VPS13C: variants seen among roughly 807,000 people sequenced by gnomAD.
VPS13C encodes the protein intermembrane lipid transfer protein VPS13C.
Under a neutral mutation model 456.8 loss-of-function variants are expected in VPS13C, and 358 were observed. The ratio of observed to expected loss-of-function variants is 0.78; its 90% CI spans 0.72 to 0.86. The LOEUF is 0.86. Ranked by LOEUF, VPS13C falls within the 40% of genes least tolerant of loss-of-function variation. The pLI is 0.00. For missense variants in VPS13C, 4,818 were observed against 4,385.4 expected (o/e 1.10, Z -2.79); for synonymous variants, 1,578 against 1,486.7 (o/e 1.06, Z -1.41).
chr15:61,884,583 G>A (rs1196407121), intron 67 of VPS13C, among the ~76,000 whole-genome samples: 1 of 151,568 alleles, frequency 6.6e-6, no homozygotes, highest in Non-Finnish European at 1.5e-5. Context: ...TATTAGATAG[G>A]CAACTTAGAT....
chr15:61,931,263 TG>T lies in VPS13C; in HGVS notation c.5869-5del. On this transcript the variant is annotated splice_polypyrimidine_tract_variant and splice_region_variant and intron_variant, in intron 49 of 84. Transcript: ENST00000644861. ...TATGAAATGCAACTCCAGATTCCTA[TG>T]GTACATTTTTCAAGCAAAAGAATCA... 1.2e-6 allele frequency: 2 copies of T among 1,605,748 alleles called. No homozygotes were observed. Among genetic ancestry groups the T allele is most frequent in the Non-Finnish European group, 1.7e-6 (2 of 1,176,888 alleles).
chr15:61,988,301 C>T (rs2046121522), intron 18 of VPS13C, among the ~76,000 whole-genome samples: 1 of 152,104 alleles, frequency 6.6e-6, no homozygotes, highest in South Asian at 2.1e-4. Context: ...TTCAATTGTC[C>T]AAATTCATCA....
chr15:61,902,350 A>C (rs1382127675), intron 66 of VPS13C, among the ~76,000 whole-genome samples: 1 of 152,190 alleles, frequency 6.6e-6, no homozygotes, highest in Non-Finnish European at 1.5e-5. Flanking sequence ...CTTCAAAAAA[A>C]AAACTGCAGA....
intron 82 of VPS13C, among the ~76,000 whole-genome samples, chr15:61,860,546 T>G (rs1894164366): frequency 6.6e-6 from 1 of 152,056 alleles, no homozygotes; most frequent in Non-Finnish European, 1.5e-5. Context: ...AATAAGATAC[T>G]AGGGAAAAAA....
At chr15:61,963,557 T>C (rs1176338290) in intron 32 of VPS13C, among the ~76,000 whole-genome samples, 1 of 152,054 alleles carries the variant, frequency 6.6e-6, no homozygotes, top group Non-Finnish European at 1.5e-5. Flanking sequence ...TCCTAGCCCA[T>C]CAATAGCATT....
intron 46 of VPS13C, 130 bp from the exon 47 acceptor site, chr15:61,940,924 T>C: frequency 2.2e-6 from 2 of 900,728 alleles, no homozygotes; most frequent in Non-Finnish European, 3.2e-6. Flanking sequence ...TCTTTTAGAA[T>C]ACACTTCTTT....
intron 26 of VPS13C, among the ~76,000 whole-genome samples, 157 bp from the exon 27 acceptor site, chr15:61,972,921 G>T (rs1016452151): frequency 6.6e-6 from 1 of 152,132 alleles, no homozygotes; most frequent in Non-Finnish European, 1.5e-5. Flanking sequence ...TCTACCAAGT[G>T]ACTCAACCTG....
intron 39 of VPS13C, among the ~76,000 whole-genome samples, chr15:61,951,333 A>G (rs901210027): frequency 6.6e-6 from 1 of 152,126 alleles, no homozygotes; most frequent in African/African-American, 2.4e-5. Flanking sequence ...AGTAGGGATT[A>G]TTCTCAATAC....
intron 79 of VPS13C, 96 bp from the exon 80 acceptor site, chr15:61,869,719 C>T: frequency 1.3e-6 from 2 of 1,532,198 alleles, no homozygotes; most frequent in African/African-American, 2.8e-5. Context: ...AACTGTTTTA[C>T]CCAGGAAGTT....
At chr15:62,031,162 G>A (rs922038510) in intron 5 of VPS13C, among the ~76,000 whole-genome samples, 3 of 151,974 alleles carry the variant, frequency 2.0e-5, no homozygotes, top group South Asian at 2.1e-4. Flanking sequence ...ATTCCTATAC[G>A]ATAGTGGGAA....
chr15:61,934,934 G>A (rs2044176708), intron 48 of VPS13C, among the ~76,000 whole-genome samples: 1 of 151,952 alleles, frequency 6.6e-6, no homozygotes, highest in African/African-American at 2.4e-5. Context: ...TGTATTTTTA[G>A]TAGAGATGGG....
At chr15:62,041,287 G>T in intron 3 of VPS13C, 37 bp downstream of exon 3, 2 of 1,578,584 alleles carry the variant, frequency 1.3e-6, no homozygotes, top group South Asian at 1.2e-5. Context: ...AAAACAATAG[G>T]ACCAAGAATA....
Position 62,006,322 on chromosome 15 carries a change from T to A in VPS13C, c.1290+986A>T, listed in dbSNP as rs2046843523. 5.3e-5 allele frequency among the ~76,000 whole-genome samples: 8 copies of A among 152,116 alleles called. No homozygotes were observed. The South Asian group carries it at 1.7e-3, about 32-fold the overall frequency. On this transcript the variant is annotated intron_variant, in intron 15 of 84. Transcript: ENST00000644861. ...TCCTGTGTCCATGTGTTCTCATTGT[T>A]CAATTCCCACCTATGAGTGAGAATA... is the stretch of plus-strand genomic sequence containing the variant.
chr15:61,854,951 G>A lies in VPS13C; in HGVS notation c.11080C>T (p.Gln3694Ter). ...CTGTCTTTTTTGTGGAACAGACCCT[G>A]TTCCTGTTTCAAAAGAAACAATGAC... is the stretch of plus-strand genomic sequence containing the variant. ...ENVLKISVKE[Q>*]GLFHKKDSAN... is the part of the protein sequence containing the mutation. The change falls in exon 84 of 85, where the codon CAG becomes TAG. Residue 3694 changes from glutamine to a stop codon, truncating the protein, a stop_gained. Coordinates refer to ENST00000644861, the MANE Select transcript of VPS13C (RefSeq NM_020821.3). LOFTEE classifies it high-confidence loss of function. 1.9e-6 allele frequency: 3 copies of A among 1,590,090 alleles called. No homozygotes were observed. Among genetic ancestry groups the A allele is most frequent in the Non-Finnish European group, 2.6e-6 (3 of 1,174,086 alleles).
chr15:61,861,527 T>C (rs1894226044), intron 82 of VPS13C, among the ~76,000 whole-genome samples: 1 of 152,142 alleles, frequency 6.6e-6, no homozygotes, highest in Non-Finnish European at 1.5e-5. Flanking sequence ...CTACAATGAA[T>C]AGCCATAACT....
At chr15:61,876,110 T>C (rs970299243) in intron 75 of VPS13C, among the ~76,000 whole-genome samples, 1 of 151,910 alleles carries the variant, frequency 6.6e-6, no homozygotes, top group Non-Finnish European at 1.5e-5. Flanking sequence ...AGTCATTTAG[T>C]ATCTAACAGC....
At position 61,922,304 on chromosome 15, in the gene VPS13C, T is replaced by C. The variant is rs77733354; in HGVS notation, c.6975+93A>G. On this transcript the variant is annotated intron_variant, in intron 54 of 84. Transcript: ENST00000644861. ...CACTATCTATTCACATATGTACTCA[T>C]AGTGGCCATGCACAAACAAGAAAAG... 70,060 of 1,447,336 alleles carry C rather than the reference T, an allele frequency of 0.048. 2,097 individuals are homozygous for C. The highest frequency in any genetic ancestry group is 0.056 in the Non-Finnish European group (60,235 of 1,071,442). 89.7% of individuals were successfully genotyped at this position (1,447,336 alleles called of 1,614,324 possible). A position where few individuals can be genotyped will look rare whatever the true frequency, so the allele number is the denominator to read the frequency against.
intron 26 of VPS13C, among the ~76,000 whole-genome samples, chr15:61,973,157 A>G (rs756352806): frequency 4.2e-4 from 64 of 152,210 alleles, no homozygotes; most frequent in Non-Finnish European, 5.7e-4. Context: ...CAGATCAATT[A>G]GGTCAAAGTT....
chr15:61,873,641 T>C (rs1197854369), intron 77 of VPS13C, among the ~76,000 whole-genome samples: 3 of 151,920 alleles, frequency 2.0e-5, no homozygotes, highest in South Asian at 2.1e-4. Context: ...CCAGTTAGAA[T>C]AGTTATTATA....
Sources: allele counts gnomAD v4.1 joint callset (sites outside exome capture counted in the v4.1 genomes callset), GRCh38; gene constraint gnomAD v4.1.1; transcripts MANE v1.5; gene names NCBI Gene and HGNC (gene_info 2026-07-23, HGNC 2026-07-21).